The following FEZ2 variants were observed in gnomAD, a reference collection of about 807,000 sequenced individuals.
FEZ2 encodes the protein fasciculation and elongation protein zeta 2.
FEZ2 carries 51 observed loss-of-function variants against 40.4 expected under a neutral mutation model. The ratio of observed to expected loss-of-function variants is 1.26; its 90% confidence interval spans 1.01 to 1.59. The LOEUF (loss-of-function observed/expected upper bound fraction) is 1.59. Ranked by LOEUF, FEZ2 falls within the 40% of genes most tolerant of loss-of-function variation. FEZ2 has a pLI of 0.00. For missense variants in FEZ2, 640 were observed against 438.3 expected (o/e 1.46, Z -4.11); for synonymous variants, 242 against 172.0 (o/e 1.41, Z -3.18).
intron 1 of FEZ2, among the ~76,000 whole-genome samples, chr2:36,594,986 G>A (rs1669172736): frequency 1.3e-5 from 2 of 152,186 alleles, no homozygotes; most frequent in African/African-American, 4.8e-5. Flanking sequence ...CAAGACATAT[G>A]AACTGCCTTC....
At chr2:36,569,066 T>C (rs2125227185) in intron 5 of FEZ2, among the ~76,000 whole-genome samples, 1 of 152,294 alleles carries the variant, frequency 6.6e-6, no homozygotes, top group South Asian at 2.1e-4. Flanking sequence ...TTCCAATGCA[T>C]GCTGGTTCTG....
At chr2:36,571,533 T>G in intron 5 of FEZ2, among the ~76,000 whole-genome samples, 1 of 151,454 alleles carries the variant, frequency 6.6e-6, no homozygotes, top group East Asian at 2.0e-4. Context: ...GCGGGCGCCG[T>G]CATCCCAGCT....
At chr2:36,561,623 T>C (rs1220735132) in intron 5 of FEZ2, 1 of 152,190 alleles carries the variant, frequency 6.6e-6, no homozygotes, top group Non-Finnish European at 1.5e-5. Context: ...CAGTCTACAA[T>C]GTCATCAAGC....
At chr2:36,583,646 A>G (rs1483846224) in intron 2 of FEZ2, among the ~76,000 whole-genome samples, 177 bp from the exon 3 acceptor site, 1 of 152,202 alleles carries the variant, frequency 6.6e-6, no homozygotes, top group East Asian at 1.9e-4. Flanking sequence ...TTGAACAGAA[A>G]TGAGAAGAAT....
intron 5 of FEZ2, among the ~76,000 whole-genome samples, chr2:36,575,808 T>C (rs1022069415): frequency 2.6e-5 from 4 of 152,198 alleles, no homozygotes; most frequent in African/African-American, 7.2e-5. Context: ...TAGAGTATCT[T>C]TGGACCAAAG....
Position 36,555,668 on chromosome 2 carries a change from C to A in FEZ2, c.1045+15G>T. The A allele has an allele frequency of 6.6e-7, 1 of 1,520,638 alleles. No individual in the cohort carries two copies. The highest frequency in any genetic ancestry group is 9.0e-7 in the Non-Finnish European group (1 of 1,111,334). 94.2% of individuals were successfully genotyped at this position (1,520,638 alleles called of 1,614,324 possible). ...AACCTCCCAGCCATCGCACCTATACCATTATAAAACTCACCTTTCAGAATA... is the reference window on the plus strand; with the variant it reads ...AACCTCCCAGCCATCGCACCTATACAATTATAAAACTCACCTTTCAGAATA... On this transcript the variant is annotated intron_variant, in intron 7 of 7. Coordinates refer to ENST00000405912, the MANE Select transcript of FEZ2 (RefSeq NM_005102.3).
chr2:36,588,186 G>A (rs1023580728), intron 2 of FEZ2, among the ~76,000 whole-genome samples: 1 of 152,130 alleles, frequency 6.6e-6, no homozygotes, highest in Non-Finnish European at 1.5e-5. Context: ...GCGCCACCAC[G>A]CCTGGCTAAT....
At chr2:36,556,538 C>T (rs990258919) in intron 6 of FEZ2, 1 of 152,248 alleles carries the variant, frequency 6.6e-6, no homozygotes, top group Non-Finnish European at 1.5e-5. Context: ...TACGACAAGG[C>T]AAAATAGTGT....
At chr2:36,590,642 G>C (rs1573031696) in intron 2 of FEZ2, 1 of 381,134 alleles carries the variant, frequency 2.6e-6, no homozygotes, top group Non-Finnish European at 4.7e-6. Flanking sequence ...GGGCAACAGA[G>C]TGAGACTCCG....
chr2:36,580,451 A>T (rs764732193), intron 4 of FEZ2, among the ~76,000 whole-genome samples: 3 of 152,258 alleles, frequency 2.0e-5, no homozygotes, highest in Non-Finnish European at 2.9e-5. Context: ...GGGACCAGTC[A>T]TATGGCAATG....
intron 1 of FEZ2, among the ~76,000 whole-genome samples, chr2:36,595,260 T>C (rs940198928): frequency 2.6e-5 from 4 of 152,080 alleles, no homozygotes; most frequent in Non-Finnish European, 4.4e-5. Context: ...TACACTGTCA[T>C]ATATCATGAA....
chr2:36,581,038 G>C (rs1373724247), intron 4 of FEZ2, among the ~76,000 whole-genome samples: 2 of 152,184 alleles, frequency 1.3e-5, no homozygotes, highest in Non-Finnish European at 2.9e-5. Flanking sequence ...TGTAATCCTA[G>C]CTACTTGGGA....
At chr2:36,560,158 C>T (rs925318670) in intron 5 of FEZ2, among the ~76,000 whole-genome samples, 1 of 152,148 alleles carries the variant, frequency 6.6e-6, no homozygotes, top group Non-Finnish European at 1.5e-5. Flanking sequence ...GATATTCCTT[C>T]AATCATTATA....
intron 7 of FEZ2, among the ~76,000 whole-genome samples, chr2:36,553,833 A>G (rs1272273268): frequency 6.6e-6 from 1 of 152,184 alleles, no homozygotes; most frequent in African/African-American, 2.4e-5. Flanking sequence ...AAGGGGAAGG[A>G]GTATTCTCCC....
At chr2:36,564,028 C>T (rs1668165589) in intron 5 of FEZ2, among the ~76,000 whole-genome samples, 1 of 152,184 alleles carries the variant, frequency 6.6e-6, no homozygotes, top group African/African-American at 2.4e-5. Flanking sequence ...AATTATCATG[C>T]ACCCCCTCTG....
chr2:36,588,051 CAG>C (rs1668954188), intron 2 of FEZ2, among the ~76,000 whole-genome samples: 1 of 151,536 alleles, frequency 6.6e-6, no homozygotes, highest in African/African-American at 2.4e-5. Flanking sequence ...TTTTTTGAGA[CAG>C]AGTCTCGCTC....
chr2:36,554,677 T>C (rs1667908641), intron 7 of FEZ2, among the ~76,000 whole-genome samples: 1 of 152,234 alleles, frequency 6.6e-6, no homozygotes, highest in African/African-American at 2.4e-5. Flanking sequence ...AGTGTCTAGC[T>C]CATGCTTCTT....
chr2:36,572,156 A>G (rs1026102066), intron 5 of FEZ2, among the ~76,000 whole-genome samples: 4 of 151,706 alleles, frequency 2.6e-5, no homozygotes, highest in African/African-American at 7.3e-5. Context: ...GTTTGTCTCC[A>G]TATTTAGAGA....
chr2:36,581,013 G>A (rs192208314), intron 4 of FEZ2, among the ~76,000 whole-genome samples: 29 of 152,206 alleles, frequency 1.9e-4, no homozygotes, highest in African/African-American at 4.1e-4. Context: ...TTAGCCAGGC[G>A]TGGTGGCGGG....
Sources: gnomAD v4.1 joint callset for allele counts (sites outside exome capture counted in the v4.1 genomes callset) on GRCh38, gnomAD v4.1.1 for gene constraint, MANE v1.5 for transcripts, NCBI Gene and HGNC (gene_info 2026-07-23, HGNC 2026-07-21) for gene names.